The following UNC13A variants were observed in gnomAD, a reference collection of about 807,000 sequenced individuals.
The protein encoded by UNC13A is unc-13 homolog A.
A neutral mutation model predicts 219.7 loss-of-function variants in UNC13A; 61 were observed. That is an observed-to-expected ratio of 0.28 (90% CI 0.23 to 0.34). UNC13A has a LOEUF of 0.34. Ranked by LOEUF, UNC13A falls within the 10% of genes least tolerant of loss-of-function variation. The pLI is 1.00. For synonymous variants in UNC13A, 920 were observed against 884.6 expected, an observed-to-expected ratio of 1.04 and a Z score of -0.71; for missense variants, 1,476 against 2,270.3, an observed-to-expected ratio of 0.65 and a Z score of 7.11.
Position 17,649,250 on chromosome 19 carries a change from C to G in UNC13A, c.1524+89G>C. 1 of 1,531,790 alleles carries G rather than the reference C, an allele frequency of 6.5e-7. No homozygotes were observed. Among genetic ancestry groups the G allele is most frequent in the Non-Finnish European group, 8.8e-7 (1 of 1,142,276 alleles). 94.9% of individuals were successfully genotyped at this position (1,531,790 alleles called of 1,614,324 possible). A position where few individuals can be genotyped will look rare whatever the true frequency, so the allele number is the denominator to read the frequency against. The stretch of plus-strand genomic sequence containing the variant: ...ACAGTGGGACATGGCAAGGTTCCCC[C>G]ATAATCCATGAATTGGGGGCCTGTT... On this transcript the variant is annotated intron_variant, in intron 14 of 43. Transcript: ENST00000519716. The surrounding 1 kb of genome is among the most constrained non-coding windows in gnomAD (Gnocchi z 4.4).
intron 4 of UNC13A, among the ~76,000 whole-genome samples, chr19:17,670,845 A>C (rs923924766): frequency 4.0e-5 from 6 of 151,848 alleles, no homozygotes; most frequent in Non-Finnish European, 7.4e-5. Flanking sequence ...CAGAGGTTGC[A>C]GTGAGCCAAG....
Position 17,630,640 on chromosome 19 carries a change from G to A in UNC13A, c.3525+14C>T. On this transcript the variant is annotated intron_variant, in intron 29 of 43. Coordinates refer to ENST00000519716, the MANE Select transcript of UNC13A (RefSeq NM_001080421.3). The stretch of plus-strand genomic sequence containing the variant: ...GGGAAGATTAGGAACTTGGTTGTGG[G>A]TGGGCCTTCTTACCCCATCCTTCTT... The A allele has an allele frequency of 6.2e-7, 1 of 1,613,588 alleles. No homozygotes were observed. Among genetic ancestry groups the A allele is most frequent in the Non-Finnish European group, 8.5e-7 (1 of 1,179,520 alleles).
chr19:17,659,771 G>GA (rs932970539), intron 8 of UNC13A, among the ~76,000 whole-genome samples: 3 of 151,732 alleles, frequency 2.0e-5, no homozygotes, highest in Non-Finnish European at 4.4e-5. Flanking sequence ...CCTGTATCCA[G>GA]AAAAAAAGAA....
At chr19:17,657,991 C>A in intron 9 of UNC13A, 71 bp downstream of exon 9, 2 of 1,517,026 alleles carry the variant, frequency 1.3e-6, no homozygotes. Context: ...CTCTGTCCAG[C>A]CCCGTACCCC....
Position 17,604,300 on chromosome 19 carries a change from G to A in UNC13A, c.*1754C>T, listed in dbSNP as rs957442399. The A allele has an allele frequency of 2.6e-5, 4 of 152,114 alleles. No individual in the cohort carries two copies. Among genetic ancestry groups the A allele is most frequent in the Non-Finnish European group, 4.4e-5 (3 of 68,050 alleles). 9.4% of individuals were successfully genotyped at this position (152,114 alleles called of 1,614,324 possible). A position where few individuals can be genotyped will look rare whatever the true frequency, so the allele number is the denominator to read the frequency against. The stretch of plus-strand genomic sequence containing the variant: ...TTAGAATAAAAGTAAAACTCCTCAG[G>A]ACTGCGTACGAGGCCCTGCCTGGTC... On this transcript the variant is annotated 3_prime_UTR_variant, in exon 44 of 44. Coordinates refer to ENST00000519716, the MANE Select transcript of UNC13A (RefSeq NM_001080421.3).
chr19:17,610,286 T>G (rs542767265), intron 42 of UNC13A, among the ~76,000 whole-genome samples, 187 bp from the exon 43 acceptor site: 3 of 152,036 alleles, frequency 2.0e-5, no homozygotes, highest in African/African-American at 7.2e-5. Context: ...GGCAACATGG[T>G]GAAACCCTGT....
At chr19:17,661,578 C>T (rs968721125) in intron 8 of UNC13A, among the ~76,000 whole-genome samples, 37 of 151,840 alleles carry the variant, frequency 2.4e-4, no homozygotes, top group African/African-American at 8.7e-4. Context: ...CCTGTAATCC[C>T]AACTACTCGG....
Position 17,683,055 on chromosome 19 carries a change from ACT to A in UNC13A, c.22+5121_22+5122del, listed in dbSNP as rs373127267. On this transcript the variant is annotated intron_variant, in intron 1 of 43. Transcript: ENST00000519716. ...ACTCCAGCTTGGGCAACAGAGCCAG[ACT>A]CTGTCTCCAATAAATAAATAAATAG... 1.7e-3 allele frequency among the ~76,000 whole-genome samples: 257 copies of A among 152,190 alleles called. 8 individuals are homozygous for A. In the South Asian group the frequency reaches 0.045, roughly 27 times the overall value.
chr19:17,650,285 G>A (rs1003207072), intron 12 of UNC13A, among the ~76,000 whole-genome samples: 5 of 152,046 alleles, frequency 3.3e-5, no homozygotes, highest in Admixed American at 1.3e-4. Context: ...AGGCCGAGGC[G>A]GGCGGATCAC....
At chr19:17,658,402 T>C in intron 8 of UNC13A, 133 bp from the exon 9 acceptor site, 1 of 845,268 alleles carries the variant, frequency 1.2e-6, no homozygotes, top group Non-Finnish European at 1.9e-6. Flanking sequence ...TAAAGAATTG[T>C]GGGTCATGTT....
intron 6 of UNC13A, among the ~76,000 whole-genome samples, 175 bp from the exon 7 acceptor site, chr19:17,666,879 CACGA>C (rs368200611): frequency 0.23 from 26,077 of 115,798 alleles, 2,304 homozygotes; most frequent in Middle Eastern, 0.27. Flanking sequence ...CACACACACA[CACGA>C]GAGAGAGAGA....
intron 1 of UNC13A, among the ~76,000 whole-genome samples, chr19:17,680,637 G>C (rs2079989567): frequency 6.6e-6 from 1 of 152,024 alleles, no homozygotes; most frequent in Non-Finnish European, 1.5e-5. Flanking sequence ...AAAATGGGGA[G>C]ACGGAGTGGC....
At chr19:17,680,229 T>A (rs1465118948) in intron 1 of UNC13A, among the ~76,000 whole-genome samples, 2 of 152,006 alleles carry the variant, frequency 1.3e-5, no homozygotes, top group East Asian at 3.9e-4. Flanking sequence ...CTCCCTGTCT[T>A]CCCCGGTCAG....
intron 30 of UNC13A, 44 bp downstream of exon 30, chr19:17,630,101 C>T: frequency 6.5e-7 from 1 of 1,546,392 alleles, no homozygotes; most frequent in East Asian, 2.4e-5. Flanking sequence ...ATTCCCTAAC[C>T]CTGACCCTGT....
intron 17 of UNC13A, among the ~76,000 whole-genome samples, 157 bp downstream of exon 17, chr19:17,647,107 GT>G (rs2077035332): frequency 6.6e-6 from 1 of 152,210 alleles, no homozygotes; most frequent in South Asian, 2.1e-4. Context: ...AGGCACGCAT[GT>G]CCCCCCATAT....
intron 6 of UNC13A, among the ~76,000 whole-genome samples, chr19:17,667,252 A>G (rs2079672967): frequency 1.6e-5 from 1 of 61,250 alleles, no homozygotes; most frequent in South Asian, 5.1e-4. Context: ...TCCGTCTCAA[A>G]AAAGAAAAAA....
intron 41 of UNC13A, among the ~76,000 whole-genome samples, chr19:17,612,350 A>T (rs2076613203): frequency 6.6e-6 from 1 of 151,954 alleles, no homozygotes; most frequent in Non-Finnish European, 1.5e-5. Flanking sequence ...CTTTGTCTTC[A>T]CTTCCTCCCT....
intron 35 of UNC13A, among the ~76,000 whole-genome samples, chr19:17,624,624 AC>A (rs2076763128): frequency 6.6e-6 from 1 of 151,654 alleles, no homozygotes. Context: ...ATGATCTTTA[AC>A]CCCTGTGTGA....
chr19:17,618,548 T>G (rs2076693156), intron 39 of UNC13A, 47 bp from the exon 40 acceptor site: 1 of 1,525,910 alleles, frequency 6.6e-7, no homozygotes, highest in South Asian at 1.2e-5. Context: ...GGGCTCCACC[T>G]TTGGAATCTG....
Sources: allele counts gnomAD v4.1 joint callset (sites outside exome capture counted in the v4.1 genomes callset), GRCh38; gene constraint gnomAD v4.1.1; non-coding constraint Gnocchi (gnomAD v3.1); transcripts MANE v1.5; gene names NCBI Gene and HGNC (gene_info 2026-07-23, HGNC 2026-07-21).